PARVB: variants seen among roughly 807,000 people sequenced by gnomAD.
PARVB encodes parvin beta, also known as beta-parvin.
PARVB carries 46 observed loss-of-function variants against 47.0 expected under a neutral mutation model. The observed-to-expected ratio is 0.98, with a 90% CI of 0.77 to 1.25. The LOEUF is 1.25. Among genes scored for constraint, PARVB ranks in the 50% most tolerant of loss-of-function variants. The pLI is 0.00. For missense variants in PARVB, 473 were observed against 471.6 expected (o/e 1.00, Z -0.03); for synonymous variants, 196 against 196.3 (o/e 1.00, Z 0.01).
chr22:44,086,175 A>G (rs1337145308), intron 1 of PARVB, among the ~76,000 whole-genome samples: 1 of 152,136 alleles, frequency 6.6e-6, no homozygotes, highest in Non-Finnish European at 1.5e-5. Context: ...ACATGTACAT[A>G]AATACACCGA....
chr22:44,051,826 TG>T (rs1421684767), intron 1 of PARVB, among the ~76,000 whole-genome samples: 1 of 152,004 alleles, frequency 6.6e-6, no homozygotes, highest in South Asian at 2.1e-4. Flanking sequence ...TGAAGTAGGG[TG>T]GGCCCCTAAT....
chr22:44,079,947 AT>A (rs2051862957), intron 1 of PARVB, among the ~76,000 whole-genome samples: 1 of 152,092 alleles, frequency 6.6e-6, no homozygotes, highest in Admixed American at 6.6e-5. Flanking sequence ...ATTGTTCCGG[AT>A]TTGCTAATAA....
intron 1 of PARVB, among the ~76,000 whole-genome samples, chr22:44,044,934 T>G (rs1427482158): frequency 1.3e-5 from 2 of 152,250 alleles, no homozygotes; most frequent in Admixed American, 6.5e-5. Flanking sequence ...CACTGACGTT[T>G]GCTACTCTAC....
intron 1 of PARVB, among the ~76,000 whole-genome samples, chr22:44,074,845 C>G (rs549284854): frequency 1.3e-5 from 2 of 152,324 alleles, no homozygotes; most frequent in Non-Finnish European, 2.9e-5. Flanking sequence ...TGCCCCTGGG[C>G]CCTTCCCTCC....
rs1051579996 is a variant in PARVB, at chr22:44,131,245, A to G, written c.377-242A>G. 2.0e-5 allele frequency among the ~76,000 whole-genome samples: 3 copies of G among 151,086 alleles called. No homozygotes were observed. The South Asian group carries it at 6.3e-4, about 32-fold the overall frequency. ...CAACCTCCACCTCCCGGGTTCAAGC[A>G]CTTCTCCTGCCTCAGCCTCCCGAGT... On this transcript the variant is annotated intron_variant, in intron 4 of 12. Transcript: ENST00000338758.
At chr22:44,080,839 T>TG (rs2051883893) in intron 1 of PARVB, among the ~76,000 whole-genome samples, 2 of 152,312 alleles carry the variant, frequency 1.3e-5, no homozygotes, top group Non-Finnish European at 2.9e-5. Flanking sequence ...GGCGTCATGT[T>TG]GGGAGCAGGG....
At chr22:44,017,904 C>A (rs188585525) in intron 2 of PARVB, among the ~76,000 whole-genome samples, 2 of 152,086 alleles carry the variant, frequency 1.3e-5, no homozygotes, top group Non-Finnish European at 2.9e-5. Flanking sequence ...CCAAAGCAGG[C>A]TATTGTTTGA....
rs1050677536 is a variant in PARVB, at chr22:44,167,459, G to A, written c.1019-1143G>A. Among the ~76,000 whole-genome samples, 7 of 152,226 alleles carry A rather than the reference G, an allele frequency of 4.6e-5. No homozygotes were observed. In the South Asian group the frequency reaches 6.2e-4, roughly 14 times the overall value. On this transcript the variant is annotated intron_variant, in intron 12 of 12. Coordinates refer to ENST00000338758, the MANE Select transcript of PARVB (RefSeq NM_013327.5). ...CTGGGGGCTGCTGCGTGGGGGCATC[G>A]GTGTCAGGCTGCTGCTCTGGTCTCC...
intron 1 of PARVB, among the ~76,000 whole-genome samples, chr22:44,047,909 G>A (rs189364471): frequency 7.8e-4 from 119 of 152,300 alleles, no homozygotes; most frequent in African/African-American, 2.8e-3. Context: ...GGGGGTGGGC[G>A]GTGCCTCCCC....
chr22:44,008,032 C>A (rs7364176), intron 2 of PARVB, among the ~76,000 whole-genome samples: 8 of 152,158 alleles, frequency 5.3e-5, no homozygotes, highest in Non-Finnish European at 1.0e-4. Flanking sequence ...ACCACATTTT[C>A]TTTATCCCTT....
intron 3 of PARVB, chr22:44,104,345 G>A (rs537161635): frequency 1.8e-4 from 27 of 152,386 alleles, no homozygotes; most frequent in Admixed American, 3.9e-4. Flanking sequence ...ACAGCAACCC[G>A]GAGAGCAGCT....
chr22:44,106,563 G>GT (rs2052573287), intron 3 of PARVB: 1 of 152,138 alleles, frequency 6.6e-6, no homozygotes, highest in Non-Finnish European at 1.5e-5. Context: ...GCTGGCTGTG[G>GT]TGGTGTGGCC....
chr22:44,071,495 C>G (rs966092546), intron 1 of PARVB, among the ~76,000 whole-genome samples: 7 of 152,282 alleles, frequency 4.6e-5, no homozygotes, highest in Middle Eastern at 3.4e-3. Flanking sequence ...GAAAAGGGGT[C>G]CCCAGGCTCT....
chr22:44,124,187 T>G (rs1436893695), intron 4 of PARVB, among the ~76,000 whole-genome samples: 2 of 152,206 alleles, frequency 1.3e-5, no homozygotes, highest in African/African-American at 4.8e-5. Context: ...GGATTTTTGG[T>G]CCTCAGTGCC....
intron 1 of PARVB, among the ~76,000 whole-genome samples, chr22:44,074,127 A>G (rs866297034): frequency 6.6e-6 from 1 of 152,136 alleles, no homozygotes; most frequent in Non-Finnish European, 1.5e-5. Flanking sequence ...GGGGTGTGTG[A>G]GTGGGGGTCC....
chr22:44,048,802 C>T (rs926088256), intron 1 of PARVB, among the ~76,000 whole-genome samples: 13 of 152,082 alleles, frequency 8.5e-5, no homozygotes, highest in African/African-American at 3.1e-4. Context: ...CCTCATGATC[C>T]GCCTGCCTCG....
chr22:44,058,357 C>T (rs2051353685), intron 1 of PARVB, among the ~76,000 whole-genome samples: 1 of 152,030 alleles, frequency 6.6e-6, no homozygotes, highest in South Asian at 2.1e-4. Flanking sequence ...ACAGGTGTCC[C>T]CCTTCATGCC....
At chr22:44,166,901 G>A (rs1372649496) in intron 12 of PARVB, among the ~76,000 whole-genome samples, 1 of 152,252 alleles carries the variant, frequency 6.6e-6, no homozygotes, top group Non-Finnish European at 1.5e-5. Context: ...TGCAGTGGCT[G>A]CGGTCTCCCT....
At chr22:44,059,836 C>T (rs190256786) in intron 1 of PARVB, among the ~76,000 whole-genome samples, 1 of 152,172 alleles carries the variant, frequency 6.6e-6, no homozygotes, top group Non-Finnish European at 1.5e-5. Flanking sequence ...TGGTTTTAAA[C>T]AGCACTCGTC....
Sources: allele counts gnomAD v4.1 joint callset (sites outside exome capture counted in the v4.1 genomes callset), GRCh38; gene constraint gnomAD v4.1.1; transcripts MANE v1.5; gene names NCBI Gene and HGNC (gene_info 2026-07-23, HGNC 2026-07-21).